The following CNTNAP2 variants were observed in gnomAD, a reference collection of about 807,000 sequenced individuals.
CNTNAP2 encodes contactin-associated protein-like 2.
Under a neutral mutation model 155.2 loss-of-function variants are expected in CNTNAP2, and 98 were observed. The ratio of observed to expected loss-of-function variants is 0.63; its 90% CI spans 0.54 to 0.75. The LOEUF is 0.75. Ranked by LOEUF, CNTNAP2 falls within the 30% of genes least tolerant of loss-of-function variation. The pLI, the probability that CNTNAP2 is intolerant of heterozygous loss-of-function variation, is 0.00. For synonymous variants in CNTNAP2, 651 were observed against 631.2 expected, an observed-to-expected ratio of 1.03 and a Z score of -0.47; for missense variants, 1,727 against 1,688.1, an observed-to-expected ratio of 1.02 and a Z score of -0.40.
chr7:147,197,245 A>G (rs1802823546), intron 8 of CNTNAP2, among the ~76,000 whole-genome samples: 1 of 152,108 alleles, frequency 6.6e-6, no homozygotes, highest in Non-Finnish European at 1.5e-5. Context: ...TAGGGTATAC[A>G]CCAAGTAACC....
chr7:147,137,020 T>C (rs530961634), intron 8 of CNTNAP2, among the ~76,000 whole-genome samples: 1 of 151,980 alleles, frequency 6.6e-6, no homozygotes, highest in East Asian at 1.9e-4. Context: ...TAAACCATAT[T>C]TATTAGAAGC....
intron 1 of CNTNAP2, among the ~76,000 whole-genome samples, chr7:146,424,130 G>A (rs1526151): frequency 6.6e-6 from 1 of 152,058 alleles, no homozygotes; most frequent in African/African-American, 2.4e-5. Flanking sequence ...CATTCAATGT[G>A]AAAATTAATC....
intron 1 of CNTNAP2, among the ~76,000 whole-genome samples, chr7:146,129,949 G>T (rs1332887615): frequency 6.6e-6 from 1 of 152,096 alleles, no homozygotes; most frequent in Non-Finnish European, 1.5e-5. Flanking sequence ...TAAAGAAAAA[G>T]CCAAGCAAAC....
At chr7:147,786,106 A>G (rs1260608459) in intron 13 of CNTNAP2, among the ~76,000 whole-genome samples, 7 of 152,046 alleles carry the variant, frequency 4.6e-5, no homozygotes, top group Non-Finnish European at 1.0e-4. Flanking sequence ...CCTGGCCAAC[A>G]TGGTGAAACC....
chr7:147,303,028 A>T (rs1794972462), intron 9 of CNTNAP2, among the ~76,000 whole-genome samples: 1 of 152,212 alleles, frequency 6.6e-6, no homozygotes, highest in Non-Finnish European at 1.5e-5. Context: ...AGCTGGTGCC[A>T]GGTGACAGAA....
intron 9 of CNTNAP2, among the ~76,000 whole-genome samples, chr7:147,360,873 G>C (rs1225152844): frequency 6.6e-6 from 1 of 152,170 alleles, no homozygotes; most frequent in Admixed American, 6.6e-5. Flanking sequence ...AGGTATGTAG[G>C]TGGTCGCAGA....
chr7:147,311,930 T>C (rs750098727), intron 9 of CNTNAP2, among the ~76,000 whole-genome samples: 3 of 152,176 alleles, frequency 2.0e-5, no homozygotes, highest in Non-Finnish European at 2.9e-5. Flanking sequence ...TTGTTTCTCC[T>C]TTAGGCAATC....
intron 3 of CNTNAP2, among the ~76,000 whole-genome samples, chr7:146,875,273 T>G (rs1795396691): frequency 6.6e-6 from 1 of 152,154 alleles, no homozygotes; most frequent in African/African-American, 2.4e-5. Context: ...AGATAAATAA[T>G]TCTCCTATAT....
At chr7:148,184,719 G>T (rs1186962735) in intron 18 of CNTNAP2, among the ~76,000 whole-genome samples, 1 of 152,148 alleles carries the variant, frequency 6.6e-6, no homozygotes, top group African/African-American at 2.4e-5. Flanking sequence ...CAATTAAAGA[G>T]GGAATCTTAT....
At chr7:146,207,567 A>C (rs757837240) in intron 1 of CNTNAP2, among the ~76,000 whole-genome samples, 2 of 151,336 alleles carry the variant, frequency 1.3e-5, no homozygotes, top group Non-Finnish European at 2.9e-5. Flanking sequence ...TTTATCAATC[A>C]TAACAATGTG....
At chr7:146,619,013 G>T (rs1388288666) in intron 1 of CNTNAP2, among the ~76,000 whole-genome samples, 1 of 151,476 alleles carries the variant, frequency 6.6e-6, no homozygotes, top group African/African-American at 2.4e-5. Context: ...GGCAGAGGTT[G>T]CAGTGAGCCA....
chr7:147,713,414 G>T (rs1796432284), intron 13 of CNTNAP2, among the ~76,000 whole-genome samples: 1 of 152,106 alleles, frequency 6.6e-6, no homozygotes, highest in South Asian at 2.1e-4. Context: ...ATATAGGCCT[G>T]TGTGTCTAGA....
At chr7:147,057,407 C>A (rs1449858230) in intron 4 of CNTNAP2, among the ~76,000 whole-genome samples, 1 of 151,984 alleles carries the variant, frequency 6.6e-6, no homozygotes, top group Admixed American at 6.6e-5. Flanking sequence ...TATCTTCTTT[C>A]TAAAATAAAA....
chr7:147,195,590 T>G (rs1802782287), intron 8 of CNTNAP2, among the ~76,000 whole-genome samples: 1 of 152,178 alleles, frequency 6.6e-6, no homozygotes. Context: ...CTCTCTTATT[T>G]TCTTGAAAAG....
intron 15 of CNTNAP2, among the ~76,000 whole-genome samples, chr7:148,116,489 C>G (rs906384753): frequency 6.6e-6 from 1 of 151,480 alleles, no homozygotes; most frequent in African/African-American, 2.4e-5. Flanking sequence ...AACCCCGCAC[C>G]CCAGTAGACA....
chr7:148,098,034 G>A (rs1385109414), intron 15 of CNTNAP2, among the ~76,000 whole-genome samples: 1 of 152,162 alleles, frequency 6.6e-6, no homozygotes, highest in Non-Finnish European at 1.5e-5. Flanking sequence ...TGAGTAGGTG[G>A]CAGTGGTTCA....
intron 14 of CNTNAP2, among the ~76,000 whole-genome samples, chr7:147,907,308 G>A (rs990234918): frequency 5.9e-5 from 9 of 152,048 alleles, no homozygotes; most frequent in African/African-American, 1.9e-4. Context: ...TGCCCACCTC[G>A]GCCTCCCAAA....
chr7:147,137,228 T>C (rs1385421632), intron 8 of CNTNAP2, among the ~76,000 whole-genome samples: 3 of 151,264 alleles, frequency 2.0e-5, no homozygotes, highest in African/African-American at 4.8e-5. Context: ...ATAAATCACA[T>C]TTCTTATATA....
chr7:147,320,223 G>A (rs968437193), intron 9 of CNTNAP2, among the ~76,000 whole-genome samples: 1 of 152,098 alleles, frequency 6.6e-6, no homozygotes, highest in Non-Finnish European at 1.5e-5. Flanking sequence ...CTTTCTTTAA[G>A]GACACTTCCT....
Sources: gnomAD v4.1 joint callset for allele counts (sites outside exome capture counted in the v4.1 genomes callset) on GRCh38, gnomAD v4.1.1 for gene constraint, MANE v1.5 for transcripts, NCBI Gene and HGNC (gene_info 2026-07-23, HGNC 2026-07-21) for gene names.